The following ARHGAP24 variants were observed in gnomAD, a reference collection of about 807,000 sequenced individuals.
ARHGAP24 encodes Rho GTPase activating protein 24, also known as rho GTPase-activating protein 24.
A neutral mutation model predicts 76.4 loss-of-function variants in ARHGAP24; 50 were observed. That is an observed-to-expected ratio of 0.65 (90% CI 0.52 to 0.83). The LOEUF (loss-of-function observed/expected upper bound fraction) is 0.83. Ranked by LOEUF, ARHGAP24 falls within the 40% of genes least tolerant of loss-of-function variation. The pLI is 0.00. For missense variants in ARHGAP24, 930 were observed against 914.2 expected (o/e 1.02, Z -0.22); for synonymous variants, 345 against 323.3 (o/e 1.07, Z -0.72).
intron 3 of ARHGAP24, among the ~76,000 whole-genome samples, chr4:85,801,899 T>G (rs1447495079): frequency 6.6e-6 from 1 of 152,256 alleles, no homozygotes; most frequent in African/African-American, 2.4e-5. Context: ...TAGCACCATT[T>G]TTATTTGGGC....
intron 3 of ARHGAP24, among the ~76,000 whole-genome samples, chr4:85,922,531 T>G (rs1192135549): frequency 6.6e-6 from 1 of 152,180 alleles, no homozygotes; most frequent in African/African-American, 2.4e-5. Flanking sequence ...TGCATGAAAA[T>G]TAAATGTTGA....
chr4:85,978,311 CAA>C (rs1470387902), intron 8 of ARHGAP24, among the ~76,000 whole-genome samples: 6 of 152,074 alleles, frequency 3.9e-5, no homozygotes, highest in Non-Finnish European at 8.8e-5. Context: ...AAAGGAGAAA[CAA>C]TAATTATTTT....
intron 2 of ARHGAP24, among the ~76,000 whole-genome samples, chr4:85,688,821 C>T (rs1309553237): frequency 1.3e-5 from 2 of 151,744 alleles, no homozygotes; most frequent in East Asian, 3.9e-4. Context: ...ATAGTATGTT[C>T]TTGTTTTTGT....
At chr4:85,704,071 C>G (rs1381100466) in intron 2 of ARHGAP24, among the ~76,000 whole-genome samples, 1 of 152,104 alleles carries the variant, frequency 6.6e-6, no homozygotes, top group East Asian at 1.9e-4. Flanking sequence ...CGTAATGCAC[C>G]TGAAATTCTT....
At chr4:85,772,986 G>A (rs567032055) in intron 3 of ARHGAP24, among the ~76,000 whole-genome samples, 2 of 152,264 alleles carry the variant, frequency 1.3e-5, no homozygotes, top group South Asian at 4.1e-4. Flanking sequence ...AGTCTTTTCA[G>A]TTATATGCCT....
At chr4:85,541,570 A>G (rs1725704401) in intron 1 of ARHGAP24, among the ~76,000 whole-genome samples, 1 of 151,982 alleles carries the variant, frequency 6.6e-6, no homozygotes, top group Admixed American at 6.5e-5. Flanking sequence ...TTTTTTGAAA[A>G]TAATCCATAT....
chr4:85,772,439 C>G (rs766977563), intron 3 of ARHGAP24, among the ~76,000 whole-genome samples: 3 of 152,200 alleles, frequency 2.0e-5, no homozygotes, highest in African/African-American at 7.2e-5. Context: ...CTTGTTTGAG[C>G]TGTATCTGCC....
In ARHGAP24 at chr4:85,861,548, G is replaced by A. The variant is rs1025167342; in HGVS notation, c.269-62100G>A. 5.9e-5 allele frequency among the ~76,000 whole-genome samples: 9 copies of A among 152,024 alleles called. 1 individual carries two copies. The highest frequency in any genetic ancestry group is 5.8e-4 in the East Asian group (3 of 5,178). On this transcript the variant is annotated intron_variant, in intron 3 of 9. Coordinates refer to ENST00000395184, the MANE Select transcript of ARHGAP24 (RefSeq NM_001025616.3). ...AAACAAAGCATGAAGCAAGACATAC[G>A]TGTTGTGCACTGCTTGGGCATGTTG...
At chr4:85,662,084 A>G (rs950621858) in intron 2 of ARHGAP24, among the ~76,000 whole-genome samples, 15 of 152,332 alleles carry the variant, frequency 9.8e-5, no homozygotes, top group African/African-American at 3.4e-4. Flanking sequence ...TCCCTGAGGA[A>G]TCGCCACACT....
At chr4:85,529,140 A>G (rs1031811283) in intron 1 of ARHGAP24, among the ~76,000 whole-genome samples, 2 of 152,012 alleles carry the variant, frequency 1.3e-5, no homozygotes, top group African/African-American at 4.8e-5. Flanking sequence ...CACATATAGT[A>G]AAAACTAATT....
intron 3 of ARHGAP24, among the ~76,000 whole-genome samples, chr4:85,907,642 C>T (rs1428487412): frequency 6.6e-6 from 1 of 152,058 alleles, no homozygotes; most frequent in Non-Finnish European, 1.5e-5. Context: ...TTGTACTTAC[C>T]TAGAATGACC....
intron 3 of ARHGAP24, among the ~76,000 whole-genome samples, chr4:85,813,832 A>ATATG (rs1239375044): frequency 6.8e-6 from 1 of 146,124 alleles, no homozygotes; most frequent in Non-Finnish European, 1.5e-5. Flanking sequence ...ATATATATAT[A>ATATG]TATATATATA....
At chr4:85,810,119 TAGATG>T in intron 3 of ARHGAP24, among the ~76,000 whole-genome samples, 1 of 152,254 alleles carries the variant, frequency 6.6e-6, no homozygotes. Context: ...TAATAAATGC[TAGATG>T]TTACACAAGC....
intron 3 of ARHGAP24, among the ~76,000 whole-genome samples, chr4:85,854,151 A>AG (rs1731420138): frequency 1.3e-5 from 2 of 151,248 alleles, no homozygotes; most frequent in Admixed American, 6.6e-5. Flanking sequence ...AAAAAAAAAA[A>AG]AAAAGAAAAA....
intron 5 of ARHGAP24, among the ~76,000 whole-genome samples, chr4:85,949,737 G>A (rs938396952): frequency 6.6e-6 from 1 of 152,160 alleles, no homozygotes; most frequent in Non-Finnish European, 1.5e-5. Flanking sequence ...TTAAAAAGGG[G>A]AGAAAGCTGA....
intron 3 of ARHGAP24, among the ~76,000 whole-genome samples, chr4:85,894,374 G>C (rs188594714): frequency 6.6e-6 from 1 of 152,066 alleles, no homozygotes; most frequent in African/African-American, 2.4e-5. Flanking sequence ...AAAAGGACAG[G>C]ATGAGGAAAA....
At chr4:85,552,631 G>A (rs574047557) in intron 1 of ARHGAP24, among the ~76,000 whole-genome samples, 13 of 152,176 alleles carry the variant, frequency 8.5e-5, no homozygotes, top group Admixed American at 8.5e-4. Flanking sequence ...GACATCTCCC[G>A]TGATTATTGT....
chr4:85,843,561 T>C (rs1730717442), intron 3 of ARHGAP24, among the ~76,000 whole-genome samples: 1 of 152,000 alleles, frequency 6.6e-6, no homozygotes, highest in African/African-American at 2.4e-5. Flanking sequence ...TGAGTAGACA[T>C]TTCATAGAAA....
chr4:85,593,568 T>C (rs912564566), intron 2 of ARHGAP24, among the ~76,000 whole-genome samples: 3 of 152,156 alleles, frequency 2.0e-5, no homozygotes, highest in Admixed American at 6.5e-5. Context: ...AATACTTCTT[T>C]TAGTAGTTTC....
Sources: allele counts gnomAD v4.1 joint callset (sites outside exome capture counted in the v4.1 genomes callset), GRCh38; gene constraint gnomAD v4.1.1; transcripts MANE v1.5; gene names NCBI Gene and HGNC (gene_info 2026-07-23, HGNC 2026-07-21).